Variants in SYT3 observed in about 807,000 individuals in gnomAD.
The protein encoded by SYT3 is synaptotagmin 3, also known as synaptotagmin-3.
A neutral mutation model predicts 50.6 loss-of-function variants in SYT3; 25 were observed. That is an observed-to-expected ratio of 0.49 (90% confidence interval 0.36 to 0.69). SYT3 has a LOEUF of 0.69. Among genes scored for constraint, SYT3 ranks in the 30% least tolerant of loss-of-function variants. SYT3 has a pLI of 0.00. For synonymous variants in SYT3, 323 were observed against 353.9 expected (o/e 0.91, Z 0.98); for missense variants, 589 against 793.6 (o/e 0.74, Z 3.10).
At chr19:50,641,521 T>A (rs1001363111), upstream of SYT3, among the ~76,000 whole-genome samples, 1 of 150,454 alleles carries the variant, frequency 6.6e-6, no homozygotes, top group Non-Finnish European at 1.5e-5. Context: ...CTGCATTCCA[T>A]CCAGCCTGGG....
rs116963588 is a variant in SYT3, at chr19:50,639,441, G to C, written c.-153-279C>G. On this transcript the variant is annotated intron_variant, in intron 1 of 10. Coordinates refer to ENST00000600079, the MANE Select transcript of SYT3 (RefSeq NM_001160329.2). The surrounding 1 kb of genome is among the most constrained non-coding windows in gnomAD (Gnocchi z 4.6). ...ATTTTTTTTTTTTTTTTAAGGTTTTGGGGGGTTAAGATGCTGGGGTCCCAA... is the reference window on the plus strand; with the variant it reads ...ATTTTTTTTTTTTTTTTAAGGTTTTCGGGGGTTAAGATGCTGGGGTCCCAA... The C allele has an allele frequency of 9.9e-5, 15 of 151,066 alleles. No individual in the cohort carries two copies. Among genetic ancestry groups the C allele is most frequent in the African/African-American group, 2.7e-4 (11 of 41,122 alleles). 9.4% of individuals were successfully genotyped at this position (151,066 alleles called of 1,614,324 possible).
At chr19:50,648,678 C>G in the SYT3 span, among the ~76,000 whole-genome samples, 1 of 152,162 alleles carries the variant, frequency 6.6e-6, no homozygotes, top group African/African-American at 2.4e-5. Context: ...ACCCAGGAAT[C>G]CAGGCCCCCA....
At chr19:50,624,866 C>T (rs1411855827) in intron 9 of SYT3, 5 of 309,470 alleles carry the variant, frequency 1.6e-5, no homozygotes, top group East Asian at 5.1e-5. Context: ...CTATTTTCAA[C>T]TTAGCCTCAT....
chr19:50,630,270 C>A, intron 4 of SYT3, 99 bp from the exon 5 acceptor site: 2 of 1,275,292 alleles, frequency 1.6e-6, no homozygotes, highest in South Asian at 1.6e-5. Context: ...TCCCCCCATC[C>A]CCCAGCCAGG....
In SYT3 at chr19:50,625,535, C is replaced by T. The variant is rs778886012; in HGVS notation, c.1432G>A (p.Glu478Lys). ...DPYVKASLIS[E>K]GRRLKKRKTS... ...TTCCGCTTCTTCAGACGCCGCCCCTCGCTGATCAGGGAGGCCTTCACGTAG... is the reference window on the plus strand; with the variant it reads ...TTCCGCTTCTTCAGACGCCGCCCCTTGCTGATCAGGGAGGCCTTCACGTAG... The change falls in exon 8 of 11, where the codon GAG becomes AAG. Residue 478 changes from glutamate to lysine, a missense_variant. By Grantham distance (56) the Glu-to-Lys change is moderately conservative (BLOSUM62 1). Transcript: ENST00000600079. The surrounding 1 kb of genome is among the most constrained non-coding windows in gnomAD (Gnocchi z 7.5). 6.9e-6 allele frequency: 11 copies of T among 1,603,552 alleles called. No individual in the cohort carries two copies. The highest frequency in any genetic ancestry group is 1.1e-5 in the South Asian group (1 of 89,354).
chr19:50,644,206 G>A (rs754346354), upstream of SYT3, among the ~76,000 whole-genome samples: 14 of 152,244 alleles, frequency 9.2e-5, no homozygotes, highest in Non-Finnish European at 1.8e-4. Flanking sequence ...GGAGGAATGT[G>A]TGAATCTATG....
At chr19:50,652,993 C>T in the SYT3 span, among the ~76,000 whole-genome samples, 7 of 152,262 alleles carry the variant, frequency 4.6e-5, no homozygotes, top group South Asian at 4.1e-4. Context: ...AACACTACCT[C>T]GGAAGGTTGT....
Position 50,625,079 on chromosome 19 carries a change from A to G in SYT3, c.1707+83T>C, listed in dbSNP as rs1387741433. 4.4e-6 allele frequency: 6 copies of G among 1,354,428 alleles called. No homozygotes were observed. Among genetic ancestry groups the G allele is most frequent in the Non-Finnish European group, 5.8e-6 (6 of 1,042,942 alleles). The allele number at this position is 1,354,428 out of a possible 1,614,324, so 83.9% of individuals were successfully genotyped here. A position where few individuals can be genotyped will look rare whatever the true frequency, so the allele number is the denominator to read the frequency against. On this transcript the variant is annotated intron_variant, in intron 9 of 10. Coordinates refer to ENST00000600079, the MANE Select transcript of SYT3 (RefSeq NM_001160329.2). The surrounding 1 kb of genome is among the most constrained non-coding windows in gnomAD (Gnocchi z 7.5). ...GGACGCCTGGCTCTGCGACTCACGAACATGCAGGGCGTTCGTTGCATGGAT... is the reference window on the plus strand; with the variant it reads ...GGACGCCTGGCTCTGCGACTCACGAGCATGCAGGGCGTTCGTTGCATGGAT...
chr19:50,626,076 A>AT, intron 6 of SYT3, 59 bp from the exon 7 acceptor site: 3 of 1,582,144 alleles, frequency 1.9e-6, no homozygotes, highest in Non-Finnish European at 2.6e-6. Context: ...ACTCTCCCTG[A>AT]TTTTCTCTCC....
the SYT3 span, among the ~76,000 whole-genome samples, chr19:50,650,656 G>T: frequency 2.0e-5 from 3 of 152,186 alleles, no homozygotes; most frequent in African/African-American, 7.2e-5. Flanking sequence ...GGGTGATGGA[G>T]GGAGACTCTG....
chr19:50,649,376 TG>T, the SYT3 span: 2 of 1,462,898 alleles, frequency 1.4e-6, no homozygotes, highest in Non-Finnish European at 1.9e-6. Flanking sequence ...GAGAAGGAGC[TG>T]GGGTGGGTGG....
At position 50,633,301 on chromosome 19, in the gene SYT3, T is replaced by C. The variant is rs73042506; in HGVS notation, c.149-490A>G. Among the ~76,000 whole-genome samples, 1,030 of 152,362 alleles carry C rather than the reference T, an allele frequency of 6.8e-3. 6 individuals are homozygous for C. The highest frequency in any genetic ancestry group is 0.014 in the Middle Eastern group (4 of 294). On this transcript the variant is annotated intron_variant, in intron 3 of 10. Transcript: ENST00000600079. ...CAGCCCAGTAGTTCTATATGACCATTTTAAAGATGAGGAAACTGAGACACA... is the reference window on the plus strand; with the variant it reads ...CAGCCCAGTAGTTCTATATGACCATCTTAAAGATGAGGAAACTGAGACACA...
rs567199871 is a variant in SYT3 at position 50,629,647 on chromosome 19, C to T, written c.1063-135G>A. 201 of 1,171,642 alleles carry T rather than the reference C, an allele frequency of 1.7e-4. 4 individuals carry two copies. In the South Asian group the frequency reaches 2.8e-3, roughly 17 times the overall value. The allele number at this position is 1,171,642 out of a possible 1,614,324, so 72.6% of individuals were successfully genotyped here. A position where few individuals can be genotyped will look rare whatever the true frequency, so the allele number is the denominator to read the frequency against. The stretch of plus-strand genomic sequence containing the variant: ...CCCCCAGCCCCTCCTCCCTCAGACC[C>T]GGGAGTCCAGGCCCCCAGCCCCTCC... On this transcript the variant is annotated intron_variant, in intron 5 of 10. Transcript: ENST00000600079.
At chr19:50,644,131 G>A (rs536946719), upstream of SYT3, among the ~76,000 whole-genome samples, 29 of 152,308 alleles carry the variant, frequency 1.9e-4, no homozygotes, top group South Asian at 3.5e-3. Context: ...AGTACCTGGC[G>A]CATGGTAGGC....
chr19:50,635,397 A>G (rs1984465195), intron 3 of SYT3, among the ~76,000 whole-genome samples: 1 of 152,348 alleles, frequency 6.6e-6, no homozygotes, highest in South Asian at 2.1e-4. Flanking sequence ...AACTCAAAAC[A>G]TGAATCCCAC....
At chr19:50,634,012 G>A (rs1336039458) in intron 3 of SYT3, among the ~76,000 whole-genome samples, 1 of 152,246 alleles carries the variant, frequency 6.6e-6, no homozygotes, top group Non-Finnish European at 1.5e-5. Flanking sequence ...TCCTATTGCT[G>A]CCACTATGTG....
the SYT3 span, among the ~76,000 whole-genome samples, chr19:50,649,975 C>T: frequency 1.1e-4 from 16 of 152,250 alleles, no homozygotes; most frequent in African/African-American, 3.9e-4. Flanking sequence ...TGCCCTCTGA[C>T]TCTCCCTTCC....
intron 6 of SYT3, among the ~76,000 whole-genome samples, chr19:50,628,317 G>C (rs537365544): frequency 1.3e-5 from 2 of 152,274 alleles, no homozygotes; most frequent in South Asian, 4.1e-4. Flanking sequence ...TAAGAATGGG[G>C]CTGGGGAGGG....
At chr19:50,649,539 G>A in the SYT3 span, 1 of 1,533,654 alleles carries the variant, frequency 6.5e-7, no homozygotes, top group Non-Finnish European at 8.7e-7. Flanking sequence ...TGGGGGAAGG[G>A]GTGGACTTCC....
Sources: gnomAD v4.1 joint callset for allele counts (sites outside exome capture counted in the v4.1 genomes callset) on GRCh38, gnomAD v4.1.1 for gene constraint, Gnocchi (gnomAD v3.1) non-coding constraint, MANE v1.5 for transcripts, NCBI Gene and HGNC (gene_info 2026-07-23, HGNC 2026-07-21) for gene names.